The following AUTS2 variants were observed in gnomAD, a reference collection of about 807,000 sequenced individuals.
AUTS2 encodes the protein autism susceptibility gene 2 protein.
AUTS2 carries 17 observed loss-of-function variants against 112.4 expected under a neutral mutation model. That is an observed-to-expected ratio of 0.15 (90% CI 0.10 to 0.23). The LOEUF (loss-of-function observed/expected upper bound fraction) is 0.23. Among genes scored for constraint, AUTS2 ranks in the 10% least tolerant of loss-of-function variants. The pLI, the probability that AUTS2 is intolerant of heterozygous loss-of-function variation, is 1.00. For synonymous variants in AUTS2, 751 were observed against 702.7 expected (o/e 1.07, Z -1.09); for missense variants, 1,510 against 1,701.6 (o/e 0.89, Z 1.98).
chr7:70,768,397 C>T (rs565644699), intron 10 of AUTS2, among the ~76,000 whole-genome samples: 1 of 152,324 alleles, frequency 6.6e-6, no homozygotes, highest in African/African-American at 2.4e-5. Flanking sequence ...GCATTTCAGT[C>T]GTCAGTTGAA....
chr7:70,618,568 C>G (rs1406075711), intron 5 of AUTS2, among the ~76,000 whole-genome samples: 2 of 152,204 alleles, frequency 1.3e-5, no homozygotes, highest in Non-Finnish European at 2.9e-5. Context: ...AATTAAACTG[C>G]GATCACTAAC....
At chr7:70,771,312 A>G (rs1016084349) in intron 10 of AUTS2, 1 of 349,458 alleles carries the variant, frequency 2.9e-6, no homozygotes, top group Non-Finnish European at 5.2e-6. Flanking sequence ...CTTTCTAATG[A>G]TGCCCTCACC....
chr7:69,927,533 C>T (rs537272163), intron 2 of AUTS2, among the ~76,000 whole-genome samples: 5 of 152,322 alleles, frequency 3.3e-5, no homozygotes, highest in African/African-American at 1.2e-4. Context: ...AGCGTTGCCT[C>T]TGCTTCAGTT....
At chr7:70,185,959 A>T (rs1011499597) in intron 4 of AUTS2, among the ~76,000 whole-genome samples, 17 of 152,210 alleles carry the variant, frequency 1.1e-4, no homozygotes, top group Admixed American at 6.5e-5. Flanking sequence ...AAACAAATAG[A>T]TCTGTTTTGG....
chr7:70,386,182 GTCT>G (rs1793598369), intron 4 of AUTS2, among the ~76,000 whole-genome samples: 2 of 152,116 alleles, frequency 1.3e-5, no homozygotes, highest in Admixed American at 6.5e-5. Context: ...CCCTCTATAT[GTCT>G]TCCCTGGGCC....
intron 1 of AUTS2, among the ~76,000 whole-genome samples, chr7:69,626,596 A>G (rs1793961180): frequency 1.3e-5 from 2 of 152,192 alleles, no homozygotes; most frequent in African/African-American, 4.8e-5. Flanking sequence ...AGTTTATTAT[A>G]TAAATCATAT....
In AUTS2 at chr7:70,790,967, C is replaced by T. The variant is rs1396021899; in HGVS notation, c.3751C>T (p.His1251Tyr). The change falls in exon 19 of 19, where the codon CAC becomes TAC. Residue 1251 changes from histidine (H) to tyrosine (Y), a missense_variant. Transcript: ENST00000342771. This position sits in a 1 kb window ranked among gnomAD's most constrained non-coding sequence, Gnocchi z 7.6. ...AGAGATAAGGGAGAGGCCCCCTTCC[C>T]ACACGCTGAAGGATATCGAGGCCCG... is the stretch of plus-strand genomic sequence containing the variant. ...SAEIRERPPS[H>Y]TLKDIEAR 1.3e-6 allele frequency: 2 copies of T among 1,508,492 alleles called. No homozygotes were observed. The allele number at this position is 1,508,492 out of a possible 1,614,324, so 93.4% of individuals were successfully genotyped here. A position where few individuals can be genotyped will look rare whatever the true frequency, so the allele number is the denominator to read the frequency against.
intron 1 of AUTS2, among the ~76,000 whole-genome samples, chr7:69,706,135 G>A (rs893864843): frequency 6.6e-6 from 1 of 152,148 alleles, no homozygotes; most frequent in Non-Finnish European, 1.5e-5. Context: ...TTCACTCAAG[G>A]GCAGTCAGGA....
intron 4 of AUTS2, among the ~76,000 whole-genome samples, chr7:70,286,155 G>T (rs930188304): frequency 6.6e-6 from 1 of 152,216 alleles, no homozygotes; most frequent in African/African-American, 2.4e-5. Flanking sequence ...AGAATGGAGT[G>T]CAGAAAGCAG....
At chr7:70,692,885 A>C (rs1383485341) in intron 5 of AUTS2, among the ~76,000 whole-genome samples, 1 of 151,872 alleles carries the variant, frequency 6.6e-6, no homozygotes, top group African/African-American at 2.4e-5. Flanking sequence ...TCTGCATGTC[A>C]TTCATATGTG....
chr7:70,524,282 G>A (rs896711321), intron 5 of AUTS2, among the ~76,000 whole-genome samples: 2 of 152,178 alleles, frequency 1.3e-5, no homozygotes, highest in Non-Finnish European at 2.9e-5. Context: ...CTCAAAGCCT[G>A]GGGGAAGTCC....
At chr7:69,738,133 G>A (rs144244356) in intron 1 of AUTS2, among the ~76,000 whole-genome samples, 8 of 152,172 alleles carry the variant, frequency 5.3e-5, no homozygotes, top group African/African-American at 1.9e-4. Flanking sequence ...GAGAACTACA[G>A]ATTTGGGGTG....
intron 5 of AUTS2, among the ~76,000 whole-genome samples, chr7:70,497,927 A>G (rs2116578394): frequency 6.6e-6 from 1 of 152,332 alleles, no homozygotes; most frequent in Non-Finnish European, 1.5e-5. Flanking sequence ...CAGCCGCAAT[A>G]GTCCAAACAG....
At chr7:70,707,489 G>C (rs577793725) in intron 6 of AUTS2, among the ~76,000 whole-genome samples, 2 of 152,226 alleles carry the variant, frequency 1.3e-5, no homozygotes, top group African/African-American at 4.8e-5. Flanking sequence ...GAGGATCTCT[G>C]TCCTTCCTGA....
intron 4 of AUTS2, among the ~76,000 whole-genome samples, chr7:70,155,730 T>C (rs1054153284): frequency 6.6e-6 from 1 of 152,130 alleles, no homozygotes; most frequent in Non-Finnish European, 1.5e-5. Flanking sequence ...CCCTTGGGCT[T>C]GAATTTGCTA....
intron 5 of AUTS2, among the ~76,000 whole-genome samples, chr7:70,439,538 CAA>C (rs71077657): frequency 8.1e-4 from 59 of 73,288 alleles, no homozygotes; most frequent in African/African-American, 3.4e-3. Context: ...GACTCCATCT[CAA>C]AAAAAAAAAA....
intron 2 of AUTS2, among the ~76,000 whole-genome samples, chr7:70,004,235 A>T (rs868195142): frequency 1.5e-5 from 2 of 136,382 alleles, no homozygotes; most frequent in Non-Finnish European, 3.0e-5. Context: ...AATATATATT[A>T]TATATATGAA....
At chr7:70,655,032 A>G (rs1013316876) in intron 5 of AUTS2, among the ~76,000 whole-genome samples, 8 of 152,264 alleles carry the variant, frequency 5.3e-5, no homozygotes, top group African/African-American at 1.7e-4. Context: ...GAGTTTGGAC[A>G]CCCACAAAGT....
chr7:70,050,662 C>G (rs1801709071), intron 2 of AUTS2, among the ~76,000 whole-genome samples: 1 of 152,068 alleles, frequency 6.6e-6, no homozygotes, highest in Non-Finnish European at 1.5e-5. Flanking sequence ...ACTTCCCCAT[C>G]CCACTCCAGA....
Sources: gnomAD v4.1 joint callset for allele counts (sites outside exome capture counted in the v4.1 genomes callset) on GRCh38, gnomAD v4.1.1 for gene constraint, Gnocchi (gnomAD v3.1) non-coding constraint, MANE v1.5 for transcripts, NCBI Gene and HGNC (gene_info 2026-07-23, HGNC 2026-07-21) for gene names.